The following PTPRD variants were observed in gnomAD, a reference collection of about 807,000 sequenced individuals.
PTPRD encodes protein tyrosine phosphatase receptor type D, also known as receptor-type tyrosine-protein phosphatase delta.
PTPRD carries 34 observed loss-of-function variants against 214.5 expected under a neutral mutation model. The ratio of observed to expected loss-of-function variants is 0.16; its 90% CI spans 0.12 to 0.21. PTPRD has a LOEUF of 0.21. Among genes scored for constraint, PTPRD ranks in the 10% least tolerant of loss-of-function variants. PTPRD has a pLI of 1.00. For synonymous variants in PTPRD, 1,128 were observed against 845.7 expected, an observed-to-expected ratio of 1.33 and a Z score of -5.79; for missense variants, 2,545 against 2,398.7, an observed-to-expected ratio of 1.06 and a Z score of -1.27.
chr9:9,989,500 TG>T (rs2095839826), intron 4 of PTPRD, among the ~76,000 whole-genome samples: 1 of 152,122 alleles, frequency 6.6e-6, no homozygotes, highest in Admixed American at 6.5e-5. Context: ...GAGTTCAGCC[TG>T]GGACAGCCGA....
At chr9:10,323,450 A>G (rs1245717069) in intron 3 of PTPRD, among the ~76,000 whole-genome samples, 1 of 150,844 alleles carries the variant, frequency 6.6e-6, no homozygotes, top group Non-Finnish European at 1.5e-5. Context: ...GCAATCCACT[A>G]TGCCTGGCTA....
At chr9:8,343,902 T>C (rs915899533) in intron 39 of PTPRD, among the ~76,000 whole-genome samples, 1 of 152,022 alleles carries the variant, frequency 6.6e-6, no homozygotes, top group South Asian at 2.1e-4. Context: ...CTTCAGACCA[T>C]GCAAAATCCT....
intron 8 of PTPRD, among the ~76,000 whole-genome samples, chr9:9,422,937 C>A (rs2079353049): frequency 6.6e-6 from 1 of 152,060 alleles, no homozygotes; most frequent in South Asian, 2.1e-4. Flanking sequence ...TTTGAGAGCC[C>A]ATAAGGAAGG....
chr9:9,402,543 G>C (rs886649442), intron 8 of PTPRD, among the ~76,000 whole-genome samples: 1 of 152,020 alleles, frequency 6.6e-6, no homozygotes, highest in Non-Finnish European at 1.5e-5. Flanking sequence ...ATAAAATCCT[G>C]TTAAGTACAA....
intron 8 of PTPRD, among the ~76,000 whole-genome samples, chr9:9,402,341 G>A (rs1346799258): frequency 6.6e-6 from 1 of 152,118 alleles, no homozygotes; most frequent in Non-Finnish European, 1.5e-5. Context: ...TCTAGGAGAA[G>A]TGATAAAAAG....
chr9:9,848,680 A>G (rs34927091), intron 5 of PTPRD, among the ~76,000 whole-genome samples: 4,733 of 152,206 alleles, frequency 0.031, 114 homozygotes, highest in Non-Finnish European at 0.046. Context: ...AGAAGAAAAT[A>G]TATCACACAA....
chr9:10,366,765 T>C (rs1181466660), intron 2 of PTPRD, among the ~76,000 whole-genome samples: 1 of 152,144 alleles, frequency 6.6e-6, no homozygotes, highest in Non-Finnish European at 1.5e-5. Flanking sequence ...GCCACGTACT[T>C]GCTCCATGTT....
At chr9:8,616,987 A>C (rs565601131) in intron 14 of PTPRD, among the ~76,000 whole-genome samples, 1 of 152,216 alleles carries the variant, frequency 6.6e-6, no homozygotes, top group South Asian at 2.1e-4. Flanking sequence ...CAGTGTATAA[A>C]ATGGCATTTA....
chr9:9,753,400 G>A (rs544997997), intron 6 of PTPRD, among the ~76,000 whole-genome samples: 1 of 152,120 alleles, frequency 6.6e-6, no homozygotes, highest in South Asian at 2.1e-4. Flanking sequence ...GTCTGTCAGT[G>A]TTTCCATTAT....
intron 39 of PTPRD, among the ~76,000 whole-genome samples, chr9:8,368,676 C>CTTTTTTTTT (rs199556434): frequency 1.7e-5 from 2 of 117,304 alleles, no homozygotes. Flanking sequence ...CCTTTTAATG[C>CTTTTTTTTT]TTTTTTTTTT....
intron 12 of PTPRD, among the ~76,000 whole-genome samples, chr9:8,676,961 C>T (rs754499834): frequency 6.6e-6 from 1 of 152,046 alleles, no homozygotes; most frequent in Non-Finnish European, 1.5e-5. Context: ...AAAAGAATGC[C>T]TGAATGAAAT....
intron 7 of PTPRD, among the ~76,000 whole-genome samples, chr9:9,690,290 T>C (rs2097247056): frequency 6.6e-6 from 1 of 152,002 alleles, no homozygotes; most frequent in South Asian, 2.1e-4. Flanking sequence ...TGTCTTCTTC[T>C]GAGAACTGTC....
In PTPRD at chr9:9,412,634, T is replaced by C. The variant is rs528390151; in HGVS notation, c.-236-15152A>G. On this transcript the variant is annotated intron_variant, in intron 8 of 45. Transcript: ENST00000381196. The stretch of plus-strand genomic sequence containing the variant: ...ACTCTCACTCCACCAACTCCAACTT[T>C]CATCCCAAATTTGTCTTCATACACA... 3.3e-5 allele frequency among the ~76,000 whole-genome samples: 5 copies of C among 152,276 alleles called. No homozygotes were observed. In the East Asian group the frequency reaches 9.6e-4, roughly 29 times the overall value.
At chr9:10,287,536 T>C (rs1384302932) in intron 3 of PTPRD, among the ~76,000 whole-genome samples, 1 of 152,100 alleles carries the variant, frequency 6.6e-6, no homozygotes, top group Non-Finnish European at 1.5e-5. Context: ...CTACTGCATG[T>C]ATCCTAAAAC....
intron 11 of PTPRD, among the ~76,000 whole-genome samples, chr9:8,919,260 G>A (rs2098808141): frequency 6.6e-6 from 1 of 151,932 alleles, no homozygotes; most frequent in East Asian, 1.9e-4. Flanking sequence ...GGGCGTGGTG[G>A]TGCACACCTG....
At chr9:9,062,705 G>A (rs750479973) in intron 10 of PTPRD, among the ~76,000 whole-genome samples, 27 of 152,074 alleles carry the variant, frequency 1.8e-4, no homozygotes, top group Non-Finnish European at 3.7e-4. Flanking sequence ...AGTGAAAATA[G>A]CCTGAACACT....
intron 5 of PTPRD, among the ~76,000 whole-genome samples, chr9:9,870,501 C>A (rs926998772): frequency 6.6e-6 from 1 of 151,880 alleles, no homozygotes. Context: ...GATTTTACAG[C>A]AACCTTTTTT....
intron 9 of PTPRD, among the ~76,000 whole-genome samples, chr9:9,259,793 G>A (rs2099979289): frequency 6.6e-6 from 1 of 151,846 alleles, no homozygotes; most frequent in African/African-American, 2.4e-5. Flanking sequence ...ATACCAACTC[G>A]CACACATGGT....
intron 11 of PTPRD, among the ~76,000 whole-genome samples, chr9:8,847,621 G>GA (rs2097724719): frequency 6.6e-6 from 1 of 152,058 alleles, no homozygotes; most frequent in Admixed American, 6.6e-5. Flanking sequence ...TCTTGTCAGA[G>GA]AAAAAATAAT....
Sources: allele counts gnomAD v4.1 joint callset (sites outside exome capture counted in the v4.1 genomes callset), GRCh38; gene constraint gnomAD v4.1.1; transcripts MANE v1.5; gene names NCBI Gene and HGNC (gene_info 2026-07-23, HGNC 2026-07-21).